The following NUDT3 variants were observed in gnomAD, a reference collection of about 807,000 sequenced individuals.
NUDT3 encodes the protein diphosphoinositol polyphosphate phosphohydrolase 1.
NUDT3 carries 9 observed loss-of-function variants against 23.6 expected under a neutral mutation model. The observed-to-expected ratio is 0.38, with a 90% CI of 0.23 to 0.66. The LOEUF (loss-of-function observed/expected upper bound fraction) is 0.66, where lower values mean the gene tolerates loss of function less well. Ranked by LOEUF, NUDT3 falls within the 30% of genes least tolerant of loss-of-function variation. The pLI, the probability that NUDT3 is intolerant of heterozygous loss-of-function variation, is 0.52. For missense variants in NUDT3, 172 were observed against 218.5 expected (o/e 0.79, Z 1.34); for synonymous variants, 86 against 82.6 (o/e 1.04, Z -0.22).
At chr6:34,368,345 T>C (rs1198556513) in intron 1 of NUDT3, among the ~76,000 whole-genome samples, 3 of 152,172 alleles carry the variant, frequency 2.0e-5, no homozygotes, top group Non-Finnish European at 4.4e-5. Flanking sequence ...AAGGCCTATC[T>C]CTTTACAAGC....
At chr6:34,389,941 G>A (rs1765169042) in intron 1 of NUDT3, among the ~76,000 whole-genome samples, 1 of 150,908 alleles carries the variant, frequency 6.6e-6, no homozygotes. Flanking sequence ...TCCACCATGG[G>A]CGACAGAGCA....
intron 2 of NUDT3, among the ~76,000 whole-genome samples, chr6:34,335,542 A>T (rs1243046435): frequency 6.6e-6 from 1 of 152,062 alleles, no homozygotes; most frequent in Non-Finnish European, 1.5e-5. Flanking sequence ...AATGTTACTT[A>T]TTCTGGCTGG....
chr6:34,390,604 C>T (rs1318063362), intron 1 of NUDT3, among the ~76,000 whole-genome samples: 2 of 151,980 alleles, frequency 1.3e-5, no homozygotes, highest in Non-Finnish European at 2.9e-5. Flanking sequence ...TTGGCCTCAC[C>T]ACCTTGGTCT....
rs776425812 is a variant in NUDT3 at position 34,288,900 on chromosome 6, G to A, written c.372C>T (p.Asp124=). The change falls in exon 5 of 5, where the codon GAC becomes GAT. Residue 124 remains aspartate, a synonymous_variant. Coordinates refer to ENST00000607016, the MANE Select transcript of NUDT3 (RefSeq NM_006703.4). ...GRKREWFKIE[D]AIKVLQYHKP... Reference sequence around the variant, plus strand: ...TGTGATACTGCAGCACTTTTATGGCGTCTTCTATTTTAAACCATTCCCTCT... The same window carrying A: ...TGTGATACTGCAGCACTTTTATGGCATCTTCTATTTTAAACCATTCCCTCT... The A allele has an allele frequency of 1.5e-5, 25 of 1,612,926 alleles. No individual in the cohort carries two copies. The highest frequency in any genetic ancestry group is 1.6e-4 in the Middle Eastern group (1 of 6,074).
At chr6:34,319,386 G>T (rs2113715851) in intron 2 of NUDT3, among the ~76,000 whole-genome samples, 1 of 152,196 alleles carries the variant, frequency 6.6e-6, no homozygotes, top group South Asian at 2.1e-4. Context: ...CCCCTATTTG[G>T]GCTCAATTGC....
Position 34,336,426 on chromosome 6 carries a change from C to CT in NUDT3, c.210+5435dup, listed in dbSNP as rs542037621. Among the ~76,000 whole-genome samples, 52 of 151,922 alleles carry CT rather than the reference C, an allele frequency of 3.4e-4. 1 individual carries two copies. The South Asian group carries it at 8.1e-3, about 24-fold the overall frequency. The stretch of plus-strand genomic sequence containing the variant: ...TCATTTGCACATTTAATACTAGATT[C>CT]TTTTTTTTGCTGTTGAATTCTTTGT... On this transcript the variant is annotated intron_variant, in intron 2 of 4. Coordinates refer to ENST00000607016, the MANE Select transcript of NUDT3 (RefSeq NM_006703.4).
intron 1 of NUDT3, among the ~76,000 whole-genome samples, chr6:34,357,393 G>A (rs1163030521): frequency 1.3e-5 from 2 of 151,766 alleles, no homozygotes; most frequent in Non-Finnish European, 2.9e-5. Flanking sequence ...CAGGTGGACC[G>A]CTTGAGCCCA....
intron 4 of NUDT3, among the ~76,000 whole-genome samples, chr6:34,290,519 T>C (rs989000136): frequency 3.3e-5 from 5 of 150,376 alleles, no homozygotes; most frequent in African/African-American, 9.8e-5. Flanking sequence ...ACCACACCTG[T>C]CCTATGTCAC....
At chr6:34,363,891 G>A (rs909251931) in intron 1 of NUDT3, among the ~76,000 whole-genome samples, 2 of 151,828 alleles carry the variant, frequency 1.3e-5, no homozygotes, top group South Asian at 2.1e-4. Context: ...TCCTGCCTTA[G>A]CCTCCCAAGT....
At chr6:34,311,623 G>A (rs611928) in intron 2 of NUDT3, among the ~76,000 whole-genome samples, 49,422 of 151,762 alleles carry the variant, frequency 0.33, 9,607 homozygotes, top group African/African-American at 0.51. Flanking sequence ...CAGTCAACTC[G>A]TTAAGAAAGG....
In NUDT3 at chr6:34,292,450, CCA is replaced by C. The variant is rs1763436967; in HGVS notation, c.340+999_340+1000del. Among the ~76,000 whole-genome samples the C allele has an allele frequency of 2.0e-5, 3 of 152,224 alleles. No homozygotes were observed. In the South Asian group the frequency reaches 6.2e-4, roughly 32 times the overall value. On this transcript the variant is annotated intron_variant, in intron 4 of 4. Coordinates refer to ENST00000607016, the MANE Select transcript of NUDT3 (RefSeq NM_006703.4). ...AAACCATGAACCAACCTTTGTACCA[CCA>C]CAGTTTATAGTTCCAAAGATGTAAA... is the stretch of plus-strand genomic sequence containing the variant.
In NUDT3 at chr6:34,280,905, A is replaced by G. The variant is rs1561893720; in HGVS notation, c.*7848T>C. On this transcript the variant is annotated 3_prime_UTR_variant, in exon 5 of 5. Coordinates refer to ENST00000607016, the MANE Select transcript of NUDT3 (RefSeq NM_006703.4). ...TGGCCATTTACGCCTCAGCTAAAAC[A>G]TATGAGCATGAGGGAAAAGGGACAA... The G allele has an allele frequency of 6.6e-6, 1 of 152,222 alleles. No individual in the cohort carries two copies. Among genetic ancestry groups the G allele is most frequent in the Non-Finnish European group, 1.5e-5 (1 of 68,040 alleles). 9.4% of individuals were successfully genotyped at this position (152,222 alleles called of 1,614,324 possible).
intron 1 of NUDT3, among the ~76,000 whole-genome samples, chr6:34,378,455 T>C (rs1399944860): frequency 6.6e-6 from 1 of 152,198 alleles, no homozygotes; most frequent in African/African-American, 2.4e-5. Flanking sequence ...CAAAGTGATA[T>C]ATTAGGCAAA....
Position 34,306,404 on chromosome 6 carries a change from T to C in NUDT3, c.211-10719A>G, listed in dbSNP as rs552263058. On this transcript the variant is annotated intron_variant, in intron 2 of 4. Transcript: ENST00000607016. ...TTTGTCTAAATCCAGCAGCTGTTGG[T>C]AGTTTAACGATTGTGGAATCTCCAG... 3.2e-3 allele frequency among the ~76,000 whole-genome samples: 485 copies of C among 152,366 alleles called. 4 individuals are homozygous for C. Among genetic ancestry groups the C allele is most frequent in the Middle Eastern group, 0.027 (8 of 294 alleles).
intron 2 of NUDT3, among the ~76,000 whole-genome samples, chr6:34,298,852 G>A (rs1763554912): frequency 6.6e-6 from 1 of 152,100 alleles, no homozygotes; most frequent in African/African-American, 2.4e-5. Context: ...ATAGTATAAA[G>A]CAAATAAATA....
chr6:34,322,808 A>C (rs1042797101), intron 2 of NUDT3, among the ~76,000 whole-genome samples: 9 of 152,230 alleles, frequency 5.9e-5, no homozygotes, highest in African/African-American at 2.2e-4. Context: ...TATTCCAAAG[A>C]GATGCATGCT....
intron 2 of NUDT3, among the ~76,000 whole-genome samples, chr6:34,340,274 A>G (rs1351096275): frequency 1.3e-5 from 2 of 152,236 alleles, no homozygotes; most frequent in African/African-American, 4.8e-5. Context: ...ATTATGCGAT[A>G]TAATAAGCCT....
intron 1 of NUDT3, among the ~76,000 whole-genome samples, chr6:34,386,971 C>G (rs555342604): frequency 5.3e-5 from 8 of 152,208 alleles, no homozygotes; most frequent in African/African-American, 1.9e-4. Flanking sequence ...AAAAATTAGC[C>G]AGGCATGGTG....
rs779010334 is a variant in NUDT3 at position 34,285,578 on chromosome 6, G to T, written c.*3175C>A. On this transcript the variant is annotated 3_prime_UTR_variant, in exon 5 of 5. Coordinates refer to ENST00000607016, the MANE Select transcript of NUDT3 (RefSeq NM_006703.4). ...TTTCTATCAAGCCTGAATGAGGTCA[G>T]CTCTGGTAGAATTAATGACAAATCA... is the stretch of plus-strand genomic sequence containing the variant. The T allele has an allele frequency of 6.6e-6, 1 of 152,210 alleles. No homozygotes were observed. Among genetic ancestry groups the T allele is most frequent in the African/African-American group, 2.4e-5 (1 of 41,432 alleles). 9.4% of individuals were successfully genotyped at this position (152,210 alleles called of 1,614,324 possible). A position where few individuals can be genotyped will look rare whatever the true frequency, so the allele number is the denominator to read the frequency against.
Sources: allele counts gnomAD v4.1 joint callset (sites outside exome capture counted in the v4.1 genomes callset), GRCh38; gene constraint gnomAD v4.1.1; transcripts MANE v1.5; gene names NCBI Gene and HGNC (gene_info 2026-07-23, HGNC 2026-07-21).